FAM117B: variants seen among roughly 807,000 people sequenced by gnomAD.
The protein encoded by FAM117B is family with sequence similarity 117 member B.
Under a neutral mutation model 52.8 loss-of-function variants are expected in FAM117B, and 22 were observed. The observed-to-expected ratio is 0.42, with a 90% CI of 0.30 to 0.59. The LOEUF is 0.59. Among genes scored for constraint, FAM117B ranks in the 20% least tolerant of loss-of-function variants. The probability of loss-of-function intolerance (pLI) is 0.22; values close to 1 mark genes in which losing one functional copy is unlikely to be tolerated. For missense variants in FAM117B, 678 were observed against 802.6 expected (o/e 0.84, Z 1.88); for synonymous variants, 309 against 324.1 (o/e 0.95, Z 0.50).
intron 1 of FAM117B, among the ~76,000 whole-genome samples, chr2:202,636,201 C>A (rs915557313): frequency 6.6e-6 from 1 of 152,308 alleles, no homozygotes; most frequent in Admixed American, 6.5e-5. Context: ...TTGGCATAGC[C>A]CATATCTGCT....
At chr2:202,675,065 C>G (rs1215801482) in intron 1 of FAM117B, among the ~76,000 whole-genome samples, 1 of 151,722 alleles carries the variant, frequency 6.6e-6, no homozygotes, top group African/African-American at 2.4e-5. Flanking sequence ...GAGACCCCAT[C>G]TCTACAAAAA....
At chr2:202,765,379 C>CT (rs373287818) in intron 7 of FAM117B, 67 bp from the exon 8 acceptor site, 54,934 of 1,105,804 alleles carry the variant, frequency 0.05, 14 homozygotes, top group South Asian at 0.067. Context: ...TGTTTCCAAG[C>CT]TTTTTTTTTT....
chr2:202,683,118 A>T (rs1302768862), intron 1 of FAM117B, among the ~76,000 whole-genome samples: 14 of 152,218 alleles, frequency 9.2e-5, no homozygotes. Context: ...ACCTGAGGTC[A>T]GGAGTTCGAG....
Position 202,635,629 on chromosome 2 carries a change from G to A in FAM117B, c.442G>A (p.Gly148Ser). Residue 148 changes from glycine to serine, a missense_variant, in exon 1 of 8, where the codon GGC becomes AGC. Physicochemically the swap from Gly to Ser is moderately conservative, Grantham distance 56 (BLOSUM62 0). Coordinates refer to ENST00000392238, the MANE Select transcript of FAM117B (RefSeq NM_173511.4). The part of the protein sequence containing the change: ...PRPPPPPPLL[G>S]TVSSPSSSPT... ...GCCGCCGCCGCCGCCGCCGCTGCTG[G>A]GCACCGTGTCGTCGCCCAGCTCGTC... 1 of 1,320,274 alleles carries A rather than the reference G, an allele frequency of 7.6e-7. No individual in the cohort carries two copies. The highest frequency in any genetic ancestry group is 9.6e-7 in the Non-Finnish European group (1 of 1,038,884). The allele number at this position is 1,320,274 out of a possible 1,614,324, so 81.8% of individuals were successfully genotyped here.
chr2:202,697,472 T>C (rs1001070479), intron 2 of FAM117B, among the ~76,000 whole-genome samples: 1 of 152,198 alleles, frequency 6.6e-6, no homozygotes, highest in Non-Finnish European at 1.5e-5. Flanking sequence ...GAAAGTCAGG[T>C]AGGGTACATC....
chr2:202,740,839 A>T (rs1691521686), intron 4 of FAM117B, among the ~76,000 whole-genome samples: 1 of 152,164 alleles, frequency 6.6e-6, no homozygotes, highest in Non-Finnish European at 1.5e-5. Context: ...TACAAAAAGA[A>T]TCATATGAAT....
intron 1 of FAM117B, among the ~76,000 whole-genome samples, chr2:202,677,566 C>T (rs182003481): frequency 1.4e-4 from 22 of 152,300 alleles, no homozygotes; most frequent in East Asian, 7.7e-4. Flanking sequence ...GGCCTTCTAA[C>T]GTGTAGTGGT....
chr2:202,688,278 T>C (rs1690574307), intron 1 of FAM117B, among the ~76,000 whole-genome samples: 1 of 152,136 alleles, frequency 6.6e-6, no homozygotes. Flanking sequence ...ATTCCAAGGG[T>C]ACAATTGGGA....
At chr2:202,716,351 G>A (rs564516435) in intron 2 of FAM117B, among the ~76,000 whole-genome samples, 10 of 151,966 alleles carry the variant, frequency 6.6e-5, no homozygotes, top group African/African-American at 2.2e-4. Flanking sequence ...TGTGTGTTTT[G>A]TTTGGAGAGT....
chr2:202,726,253 G>A lies in FAM117B; in HGVS notation c.850G>A (p.Ala284Thr). The A allele has an allele frequency of 2.5e-6, 4 of 1,611,024 alleles. No homozygotes were observed. The highest frequency in any genetic ancestry group is 3.4e-6 in the Non-Finnish European group (4 of 1,178,870). The change falls in exon 4 of 8, where the codon GCA (alanine) becomes ACA (threonine). Residue 284 changes from alanine (A) to threonine (T), a missense_variant. Coordinates refer to ENST00000392238, the MANE Select transcript of FAM117B (RefSeq NM_173511.4). ...WGSTDQLKEI[A>T]KLRQQLQRSK... ...CTTGCTATTTTTGCTTTCTCAGATT[G>A]CAAAATTACGCCAGCAGTTGCAGAG... is the stretch of plus-strand genomic sequence containing the variant.
intron 4 of FAM117B, among the ~76,000 whole-genome samples, chr2:202,732,032 G>A (rs1166811153): frequency 6.6e-6 from 1 of 151,300 alleles, no homozygotes; most frequent in African/African-American, 2.4e-5. Context: ...ACTGCACCCA[G>A]CCTATTTATT....
intron 5 of FAM117B, among the ~76,000 whole-genome samples, chr2:202,756,519 AAGG>A (rs1691802511): frequency 6.6e-6 from 1 of 152,198 alleles, no homozygotes; most frequent in Admixed American, 6.5e-5. Context: ...TTCTTTAGTG[AAGG>A]AGGAATTGAG....
chr2:202,735,334 GA>G, intron 4 of FAM117B, among the ~76,000 whole-genome samples: 1 of 152,098 alleles, frequency 6.6e-6, no homozygotes, highest in South Asian at 2.1e-4. Context: ...TGTATTTCAC[GA>G]TATGCAGAAG....
intron 2 of FAM117B, among the ~76,000 whole-genome samples, chr2:202,702,744 G>A (rs1329659506): frequency 6.6e-5 from 10 of 152,124 alleles, no homozygotes; most frequent in African/African-American, 1.9e-4. Flanking sequence ...TAGTAGAGAC[G>A]GGGTTTCACT....
At chr2:202,744,001 A>G (rs1198752412) in intron 4 of FAM117B, among the ~76,000 whole-genome samples, 2 of 152,218 alleles carry the variant, frequency 1.3e-5, no homozygotes, top group African/African-American at 4.8e-5. Flanking sequence ...AGAGATATGG[A>G]TATACAGATA....
At chr2:202,652,571 C>G (rs917308013) in intron 1 of FAM117B, among the ~76,000 whole-genome samples, 1 of 152,162 alleles carries the variant, frequency 6.6e-6, no homozygotes, top group Non-Finnish European at 1.5e-5. Context: ...AAGAGTAGTA[C>G]TTCATGACAA....
intron 4 of FAM117B, among the ~76,000 whole-genome samples, chr2:202,728,069 TC>T (rs1323685352): frequency 1.3e-5 from 2 of 152,148 alleles, no homozygotes; most frequent in Non-Finnish European, 2.9e-5. Context: ...AGCCTCGACT[TC>T]CTGGGTTTAT....
intron 4 of FAM117B, among the ~76,000 whole-genome samples, chr2:202,745,132 T>C (rs1384389517): frequency 6.6e-6 from 1 of 151,264 alleles, no homozygotes; most frequent in Non-Finnish European, 1.5e-5. Context: ...ATACAAAAAT[T>C]AACTGGGCGT....
At chr2:202,665,637 A>G (rs561413680) in intron 1 of FAM117B, among the ~76,000 whole-genome samples, 8 of 151,630 alleles carry the variant, frequency 5.3e-5, no homozygotes, top group South Asian at 2.1e-4. Flanking sequence ...GTCTCACTCT[A>G]TCACCCAGGC....
Sources: allele counts gnomAD v4.1 joint callset (sites outside exome capture counted in the v4.1 genomes callset), GRCh38; gene constraint gnomAD v4.1.1; transcripts MANE v1.5; gene names NCBI Gene and HGNC (gene_info 2026-07-23, HGNC 2026-07-21).